The following PSAP variants were observed in gnomAD, a reference collection of about 807,000 sequenced individuals.
The protein encoded by PSAP is precursor of saposins.
A neutral mutation model predicts 66.0 loss-of-function variants in PSAP; 25 were observed. That is an observed-to-expected ratio of 0.38 (90% CI 0.28 to 0.53). PSAP has a LOEUF of 0.53. Ranked by LOEUF, PSAP falls within the 20% of genes least tolerant of loss-of-function variation. The pLI, the probability that PSAP is intolerant of heterozygous loss-of-function variation, is 0.83. For missense variants in PSAP, 649 were observed against 668.8 expected, an observed-to-expected ratio of 0.97 and a Z score of 0.33; for synonymous variants, 273 against 258.9, an observed-to-expected ratio of 1.05 and a Z score of -0.52.
chr10:71,819,366 G>A (rs572886778), intron 11 of PSAP, 99 bp downstream of exon 11: 1 of 1,534,904 alleles, frequency 6.5e-7, no homozygotes, highest in Non-Finnish European at 8.9e-7. Context: ...CATGCCCGGA[G>A]GCAGAAACAG....
At chr10:71,826,026 T>C in intron 6 of PSAP, 133 bp from the exon 7 acceptor site, 1 of 755,308 alleles carries the variant, frequency 1.3e-6, no homozygotes, top group Non-Finnish European at 2.3e-6. Flanking sequence ...TAGAATTTTA[T>C]GAATGTCTGC....
chr10:71,833,937 A>G (rs1381015094), intron 2 of PSAP, among the ~76,000 whole-genome samples: 1 of 152,226 alleles, frequency 6.6e-6, no homozygotes, highest in Non-Finnish European at 1.5e-5. Flanking sequence ...GGCAGAAAGT[A>G]CCTGAAAAGC....
chr10:71,834,733 T>C (rs986629065), intron 1 of PSAP, among the ~76,000 whole-genome samples: 47 of 152,206 alleles, frequency 3.1e-4, no homozygotes, highest in African/African-American at 1.1e-3. Flanking sequence ...TTCACGTTCA[T>C]CCTCTCTAGC....
intron 9 of PSAP, 114 bp from the exon 10 acceptor site, chr10:71,820,014 C>A: frequency 9.4e-7 from 1 of 1,060,470 alleles, no homozygotes; most frequent in East Asian, 2.6e-5. Context: ...GCCGTTTCCA[C>A]CCACAAAAAA....
At chr10:71,824,315 G>A (rs1842359549) in intron 7 of PSAP, among the ~76,000 whole-genome samples, 1 of 152,194 alleles carries the variant, frequency 6.6e-6, no homozygotes, top group Non-Finnish European at 1.5e-5. Flanking sequence ...ACAAGACACA[G>A]GGCTGCCCAA....
rs200008050 is a variant in PSAP at position 71,834,452 on chromosome 10, A to C, written c.94T>G (p.Trp32Gly). 1.7e-4 allele frequency: 273 copies of C among 1,613,856 alleles called. No homozygotes were observed. Among genetic ancestry groups the C allele is most frequent in the Non-Finnish European group, 2.1e-4 (242 of 1,179,960 alleles). The change falls in exon 2 of 14, where the codon TGG becomes GGG. Residue 32 changes from tryptophan to glycine, a missense_variant. By Grantham distance (184) the Trp-to-Gly change is radical. Transcript: ENST00000394936. ...LKECTRGSAV[W>G]CQNVKTASDC... is the part of the protein sequence containing the mutation. ...GACGCCGTCTTCACATTCTGGCACC[A>C]CACTGCCGAGCCCCTGGTGCATTCT...
chr10:71,817,538 A>G, intron 13 of PSAP, 62 bp from the exon 14 acceptor site: 1 of 1,523,388 alleles, frequency 6.6e-7, no homozygotes, highest in South Asian at 1.1e-5. Context: ...CCGGCCCATC[A>G]ATGTATCAGA....
At position 71,819,474 on chromosome 10, in the gene PSAP, G is replaced by A. The variant is rs572916661; in HGVS notation, c.1341C>T (p.Tyr447=). ...EKGCSFLPDP[Y]QKQCDQFVAE... ...CCAGCCCGGGGCGTACCTGCTTCTGGTAAGGGTCTGGCAGGAAGCTGCAGC... is the reference window on the plus strand; with the variant it reads ...CCAGCCCGGGGCGTACCTGCTTCTGATAAGGGTCTGGCAGGAAGCTGCAGC... The change falls in exon 11 of 14, where the codon TAC becomes TAT. Residue 447 remains tyrosine (Y), a synonymous_variant. Coordinates refer to ENST00000394936, the MANE Select transcript of PSAP (RefSeq NM_002778.4). 3.0e-5 allele frequency: 48 copies of A among 1,614,190 alleles called. No individual in the cohort carries two copies. The South Asian group carries it at 4.9e-4, about 17-fold the overall frequency.
At position 71,819,857 on chromosome 10, in the gene PSAP, G is replaced by C. The variant is rs201129306; in HGVS notation, c.1049C>G (p.Pro350Arg). Residue 350 changes from proline to arginine, a missense_variant, in exon 10 of 14, where the codon CCG (proline) becomes CGG (arginine). Pro to Arg is a moderately radical substitution (Grantham distance 103). Transcript: ENST00000394936. ...DAFDKMCSKL[P>R]KSLSEECQEV... is the part of the protein sequence containing the mutation. ...CTGGCACTCTTCCGACAGGGACTTC[G>C]GCAGCTTCGAGCACATTTTGTCAAA... 3 of 1,614,146 alleles carry C rather than the reference G, an allele frequency of 1.9e-6. No individual in the cohort carries two copies. The highest frequency in any genetic ancestry group is 2.7e-5 in the African/African-American group (2 of 75,048).
chr10:71,833,932 A>G (rs1028788798), intron 2 of PSAP, among the ~76,000 whole-genome samples: 3 of 152,260 alleles, frequency 2.0e-5, no homozygotes, highest in South Asian at 2.1e-4. Flanking sequence ...AAACAGGCAG[A>G]AAGTACCTGA....
intron 1 of PSAP, 25 bp downstream of exon 1, chr10:71,851,157 C>T: frequency 6.4e-7 from 1 of 1,550,624 alleles, no homozygotes; most frequent in Non-Finnish European, 8.7e-7. Context: ...CACCTCCTCC[C>T]CAGGATGAGG....
rs1163793238 is a variant in PSAP at position 71,817,385 on chromosome 10, C to T, written c.*56G>A. ...ATCTGTGCGTTCATTCCCCCAGACACACAAGTAGAAAAAAACCAATGCTGT... is the reference window on the plus strand; with the variant it reads ...ATCTGTGCGTTCATTCCCCCAGACATACAAGTAGAAAAAAACCAATGCTGT... On this transcript the variant is annotated 3_prime_UTR_variant, in exon 14 of 14. Coordinates refer to ENST00000394936, the MANE Select transcript of PSAP (RefSeq NM_002778.4). 8 of 1,575,166 alleles carry T rather than the reference C, an allele frequency of 5.1e-6. No homozygotes were observed. The Admixed American group carries it at 6.7e-5, about 13-fold the overall frequency.
At position 71,834,352 on chromosome 10, in the gene PSAP, T is replaced by G. The variant is rs772359680; in HGVS notation, c.174+20A>C. 6.2e-7 allele frequency: 1 copy of G among 1,613,086 alleles called. No individual in the cohort carries two copies. The highest frequency in any genetic ancestry group is 1.1e-5 in the South Asian group (1 of 91,058). On this transcript the variant is annotated intron_variant, in intron 2 of 13. Coordinates refer to ENST00000394936, the MANE Select transcript of PSAP (RefSeq NM_002778.4). ...CCAAGAGGAGTGCTGCGGCTGGGACTGGAGGGCAGCGGCACTCACCACTGT... is the reference window on the plus strand; with the variant it reads ...CCAAGAGGAGTGCTGCGGCTGGGACGGGAGGGCAGCGGCACTCACCACTGT...
At chr10:71,820,218 C>G in intron 9 of PSAP, 22 bp downstream of exon 9, 1 of 1,592,826 alleles carries the variant, frequency 6.3e-7, no homozygotes, top group Non-Finnish European at 8.6e-7. Flanking sequence ...GAGGCCCTCC[C>G]TCTGCCAGGA....
At position 71,838,527 on chromosome 10, in the gene PSAP, T is replaced by C. The variant is rs192903548; in HGVS notation, c.41-4022A>G. Among the ~76,000 whole-genome samples the C allele has an allele frequency of 1.4e-3, 220 of 152,266 alleles. 2 individuals carry two copies. The highest frequency in any genetic ancestry group is 7.7e-4 in the East Asian group (4 of 5,172). ...CTCCAGACCACAGATCTCTGAACAA[T>C]GGGTGCAAGGAAGCAGACCACAGCT... On this transcript the variant is annotated intron_variant, in intron 1 of 13. Coordinates refer to ENST00000394936, the MANE Select transcript of PSAP (RefSeq NM_002778.4).
At chr10:71,837,074 G>A (rs1309079723) in intron 1 of PSAP, among the ~76,000 whole-genome samples, 1 of 152,172 alleles carries the variant, frequency 6.6e-6, no homozygotes, top group Non-Finnish European at 1.5e-5. Context: ...TGGAGAATTC[G>A]GTACGCCTAT....
Position 71,819,618 on chromosome 10 carries a change from G to A in PSAP, c.1197C>T (p.His399=), listed in dbSNP as rs748761213. 1.5e-5 allele frequency: 24 copies of A among 1,614,152 alleles called. No homozygotes were observed. The highest frequency in any genetic ancestry group is 1.6e-4 in the Middle Eastern group (1 of 6,062). The change falls in exon 11 of 14, where the codon CAC becomes CAT. Residue 399 remains histidine, a synonymous_variant. Transcript: ENST00000394936. Reference sequence around the variant, plus strand: ...AGCCACCGTCCTTTGGCTGAGTCACGTGAACTACATAAGAGGGCAGCGGGC... The same window carrying A: ...AGCCACCGTCCTTTGGCTGAGTCACATGAACTACATAAGAGGGCAGCGGGC... ...SGTRLPALTV[H]VTQPKDGGFC...
At chr10:71,821,145 C>A (rs1332268338) in intron 8 of PSAP, among the ~76,000 whole-genome samples, 1 of 152,212 alleles carries the variant, frequency 6.6e-6, no homozygotes, top group Non-Finnish European at 1.5e-5. Context: ...CGGCCTGGCC[C>A]CTGGGTCACA....
intron 1 of PSAP, among the ~76,000 whole-genome samples, chr10:71,848,151 T>C (rs1467639569): frequency 6.6e-6 from 1 of 152,184 alleles, no homozygotes; most frequent in Non-Finnish European, 1.5e-5. Flanking sequence ...ACATCTATGG[T>C]GTTCAAAGGT....
Sources: allele counts gnomAD v4.1 joint callset (sites outside exome capture counted in the v4.1 genomes callset), GRCh38; gene constraint gnomAD v4.1.1; transcripts MANE v1.5; gene names NCBI Gene and HGNC (gene_info 2026-07-23, HGNC 2026-07-21).